The following ASPH variants were observed in gnomAD, a reference collection of about 807,000 sequenced individuals.
ASPH encodes aspartyl/asparaginyl beta-hydroxylase.
Under a neutral mutation model 118.4 loss-of-function variants are expected in ASPH, and 100 were observed. The observed-to-expected ratio is 0.84, with a 90% CI of 0.72 to 1.00. The LOEUF (loss-of-function observed/expected upper bound fraction) is 1.00, where lower values mean the gene tolerates loss of function less well. Ranked by LOEUF, ASPH falls within the 50% of genes least tolerant of loss-of-function variation. ASPH has a pLI of 0.00. For synonymous variants in ASPH, 315 were observed against 325.6 expected (o/e 0.97, Z 0.35); for missense variants, 920 against 919.5 (o/e 1.00, Z -0.01).
chr8:61,509,504 G>A lies in ASPH; in HGVS notation c.2127-5995C>T, dbSNP rs1198280306. 3.9e-5 allele frequency among the ~76,000 whole-genome samples: 6 copies of A among 152,136 alleles called. No homozygotes were observed. In the East Asian group the frequency reaches 1.2e-3, roughly 29 times the overall value. On this transcript the variant is annotated intron_variant, in intron 24 of 24. Transcript: ENST00000379454. Reference sequence around the variant, plus strand: ...CAGAGGTCACTCTCATGGTCATCTTGGTTTTGGTGGGTTTTAGCCGGCTTC... The same window carrying A: ...CAGAGGTCACTCTCATGGTCATCTTAGTTTTGGTGGGTTTTAGCCGGCTTC...
chr8:61,616,548 T>C (rs1849099054), intron 14 of ASPH, among the ~76,000 whole-genome samples: 2 of 152,188 alleles, frequency 1.3e-5, no homozygotes, highest in Admixed American at 1.3e-4. Flanking sequence ...CAGATGTGCA[T>C]GGGCTGGGTA....
At chr8:61,562,678 A>T in intron 18 of ASPH, 66 bp downstream of exon 18, 2 of 1,415,100 alleles carry the variant, frequency 1.4e-6, no homozygotes, top group Non-Finnish European at 1.9e-6. Flanking sequence ...ACTGGGTATA[A>T]TAAATGTAAT....
intron 14 of ASPH, among the ~76,000 whole-genome samples, chr8:61,609,173 C>T (rs16927639): frequency 0.097 from 14,705 of 152,192 alleles, 794 homozygotes; most frequent in East Asian, 0.22. Context: ...CAGCTCCTAA[C>T]GACGTGGCAG....
intron 1 of ASPH, among the ~76,000 whole-genome samples, chr8:61,689,132 C>A (rs1478952429): frequency 6.6e-6 from 1 of 152,064 alleles, no homozygotes. Flanking sequence ...AAATTCAATA[C>A]ATAGTTAAAG....
chr8:61,620,258 C>T (rs1287378142), intron 13 of ASPH, among the ~76,000 whole-genome samples: 1 of 152,106 alleles, frequency 6.6e-6, no homozygotes, highest in Non-Finnish European at 1.5e-5. Context: ...AAGGTCTTAC[C>T]TCCCTCTTTG....
chr8:61,588,693 A>G (rs936372072), intron 14 of ASPH, among the ~76,000 whole-genome samples: 1 of 152,252 alleles, frequency 6.6e-6, no homozygotes, highest in Non-Finnish European at 1.5e-5. Flanking sequence ...ATACACCCAT[A>G]GATCCCCAGA....
At chr8:61,658,234 C>T (rs531440653) in intron 3 of ASPH, 1 of 152,274 alleles carries the variant, frequency 6.6e-6, no homozygotes, top group Admixed American at 6.5e-5. Context: ...TCTGAGACTA[C>T]CAGGTACTCA....
intron 24 of ASPH, among the ~76,000 whole-genome samples, chr8:61,505,834 C>A (rs1806323241): frequency 6.6e-6 from 1 of 152,124 alleles, no homozygotes; most frequent in Non-Finnish European, 1.5e-5. Context: ...AAAGGCAAAA[C>A]CAAGGCGGGG....
At chr8:61,665,384 C>A in intron 3 of ASPH, 1 of 1,613,580 alleles carries the variant, frequency 6.2e-7, no homozygotes, top group Non-Finnish European at 8.5e-7. Flanking sequence ...TGATTTTTTC[C>A]TATTTTCCTT....
chr8:61,702,614 G>A (rs563515992), intron 1 of ASPH, among the ~76,000 whole-genome samples: 2 of 152,088 alleles, frequency 1.3e-5, no homozygotes, highest in African/African-American at 4.8e-5. Flanking sequence ...TACAAACTAT[G>A]CCAAAGAACA....
intron 21 of ASPH, 147 bp from the exon 22 acceptor site, chr8:61,526,259 C>T: frequency 8.7e-7 from 1 of 1,147,244 alleles, no homozygotes; most frequent in Non-Finnish European, 1.2e-6. Flanking sequence ...TCCTCTGGGA[C>T]TTCTTGTCAC....
chr8:61,625,192 G>C (rs950511452), intron 13 of ASPH: 2 of 985,536 alleles, frequency 2.0e-6, no homozygotes, highest in African/African-American at 1.7e-5. Flanking sequence ...ATTTTCAACA[G>C]AGCAATTATT....
chr8:61,694,040 C>G (rs991281354), intron 1 of ASPH, among the ~76,000 whole-genome samples: 4 of 152,182 alleles, frequency 2.6e-5, no homozygotes, highest in African/African-American at 9.7e-5. Context: ...ATATTCTCTA[C>G]AAACTCACCT....
chr8:61,646,197 A>G (rs766854419), intron 6 of ASPH, among the ~76,000 whole-genome samples: 4 of 152,206 alleles, frequency 2.6e-5, no homozygotes, highest in Non-Finnish European at 5.9e-5. Flanking sequence ...TTGTATAAAA[A>G]CACAGCTACA....
chr8:61,559,449 C>T (rs1829014336), intron 18 of ASPH, among the ~76,000 whole-genome samples: 1 of 152,074 alleles, frequency 6.6e-6, no homozygotes, highest in Non-Finnish European at 1.5e-5. Context: ...GATTGTCTCT[C>T]TCTTTCTCTC....
intron 22 of ASPH, among the ~76,000 whole-genome samples, chr8:61,519,273 T>A (rs931618751): frequency 6.6e-6 from 1 of 152,210 alleles, no homozygotes; most frequent in Non-Finnish European, 1.5e-5. Context: ...TTAGTACCTA[T>A]ATATATTTCA....
At chr8:61,516,851 C>T (rs773655502) in intron 24 of ASPH, among the ~76,000 whole-genome samples, 7 of 152,152 alleles carry the variant, frequency 4.6e-5, no homozygotes, top group Non-Finnish European at 5.9e-5. Context: ...GAAAGTAACA[C>T]GCAAGGGAGG....
intron 1 of ASPH, among the ~76,000 whole-genome samples, chr8:61,695,051 T>A (rs1217122894): frequency 1.3e-5 from 2 of 152,248 alleles, no homozygotes; most frequent in East Asian, 3.8e-4. Context: ...CCTCAGCACC[T>A]GGGTCACCCT....
At chr8:61,622,439 A>G (rs1331166542) in intron 13 of ASPH, among the ~76,000 whole-genome samples, 11 of 152,234 alleles carry the variant, frequency 7.2e-5, no homozygotes, top group Admixed American at 6.5e-4. Flanking sequence ...CTCAAGGTAC[A>G]TTCAAAGTGA....
Sources: gnomAD v4.1 joint callset for allele counts (sites outside exome capture counted in the v4.1 genomes callset) on GRCh38, gnomAD v4.1.1 for gene constraint, MANE v1.5 for transcripts, NCBI Gene and HGNC (gene_info 2026-07-23, HGNC 2026-07-21) for gene names.